Variants in SGCD observed in about 807,000 individuals in gnomAD.
The protein encoded by SGCD is sarcoglycan delta.
Under a neutral mutation model 36.6 loss-of-function variants are expected in SGCD, and 18 were observed. The observed-to-expected ratio is 0.49, with a 90% CI of 0.34 to 0.73. The LOEUF is 0.73. Among genes scored for constraint, SGCD ranks in the 30% least tolerant of loss-of-function variants. The pLI, the probability that SGCD is intolerant of heterozygous loss-of-function variation, is 0.01. For missense variants in SGCD, 387 were observed against 346.7 expected (o/e 1.12, Z -0.92); for synonymous variants, 133 against 130.6 (o/e 1.02, Z -0.12).
intron 7 of SGCD, among the ~76,000 whole-genome samples, chr5:156,740,321 T>C (rs935042343): frequency 1.3e-5 from 2 of 152,234 alleles, no homozygotes; most frequent in Admixed American, 6.5e-5. Context: ...ATTTTTAAAG[T>C]GGTTTTCTGG....
the SGCD span, among the ~76,000 whole-genome samples, chr5:155,812,889 C>T: frequency 6.6e-6 from 1 of 152,100 alleles, no homozygotes; most frequent in Non-Finnish European, 1.5e-5. Flanking sequence ...ATTCAGGGAA[C>T]AAATCAGGCA....
At chr5:156,018,736 G>A (rs979983328) in intron 1 of SGCD, among the ~76,000 whole-genome samples, 44 of 152,286 alleles carry the variant, frequency 2.9e-4, no homozygotes, top group African/African-American at 1.0e-3. Context: ...AGGCTAAAAT[G>A]TGCGTAATTT....
At position 156,151,027 on chromosome 5, in the gene SGCD, T is replaced by G. The variant is rs1324065655; in HGVS notation, c.-44+27008T>G. On this transcript the variant is annotated intron_variant, in intron 3 of 9. Coordinates refer to the SGCD transcript ENST00000517913. ...GTAAAAAATTAAAACATTTCATTAC[T>G]CTGAATTTAGATTAAGAATAGAGAG... 2.4e-4 allele frequency among the ~76,000 whole-genome samples: 37 copies of G among 151,748 alleles called. 1 individual carries two copies. The highest frequency in any genetic ancestry group is 2.4e-3 in the Admixed American group (37 of 15,248).
the SGCD span, among the ~76,000 whole-genome samples, chr5:155,856,276 A>C: frequency 2.6e-5 from 4 of 152,328 alleles, no homozygotes; most frequent in Admixed American, 2.6e-4. Context: ...CAAGAGATAA[A>C]ATACAGTAAT....
chr5:156,431,265 C>T (rs560384986), intron 3 of SGCD, among the ~76,000 whole-genome samples: 1 of 152,286 alleles, frequency 6.6e-6, no homozygotes, highest in South Asian at 2.1e-4. Context: ...GGTTGTGACT[C>T]TGCTTCTCAT....
intron 7 of SGCD, among the ~76,000 whole-genome samples, chr5:156,660,408 C>T (rs1763868648): frequency 6.6e-6 from 1 of 152,308 alleles, no homozygotes. Flanking sequence ...CGTGGAGGCC[C>T]TTTTCTTTGC....
intron 7 of SGCD, among the ~76,000 whole-genome samples, chr5:156,741,664 G>T (rs1756681088): frequency 6.6e-6 from 1 of 152,138 alleles, no homozygotes. Context: ...AACAGAGGCT[G>T]GACACTTTGG....
intron 3 of SGCD, among the ~76,000 whole-genome samples, chr5:156,243,100 G>A (rs961352531): frequency 1.3e-5 from 2 of 152,190 alleles, no homozygotes; most frequent in South Asian, 2.1e-4. Context: ...GGGCAGCCTG[G>A]CATGGGATAT....
At chr5:156,195,947 T>C (rs531593579) in intron 3 of SGCD, among the ~76,000 whole-genome samples, 4 of 152,160 alleles carry the variant, frequency 2.6e-5, no homozygotes, top group Non-Finnish European at 5.9e-5. Context: ...ATGAAACTCA[T>C]GCCACCCGCT....
intron 3 of SGCD, among the ~76,000 whole-genome samples, chr5:156,311,147 A>G (rs370626177): frequency 6.6e-6 from 1 of 152,242 alleles, no homozygotes; most frequent in East Asian, 1.9e-4. Flanking sequence ...TACCAACTAT[A>G]AAATGGTTTT....
intron 4 of SGCD, among the ~76,000 whole-genome samples, chr5:156,558,698 T>G (rs966602093): frequency 2.0e-5 from 3 of 152,118 alleles, no homozygotes; most frequent in Non-Finnish European, 4.4e-5. Flanking sequence ...TAACTGAGAA[T>G]TACTGACCTT....
At chr5:155,831,538 T>C in the SGCD span, among the ~76,000 whole-genome samples, 3 of 152,260 alleles carry the variant, frequency 2.0e-5, no homozygotes, top group Non-Finnish European at 4.4e-5. Context: ...CCTGGACTTT[T>C]GTATGCAATT....
intron 1 of SGCD, among the ~76,000 whole-genome samples, chr5:155,894,479 C>T (rs1756205141): frequency 6.6e-6 from 1 of 152,106 alleles, no homozygotes; most frequent in African/African-American, 2.4e-5. Flanking sequence ...CAGAAGTCCC[C>T]AACTCCCAGT....
chr5:156,538,103 T>TA (rs1268494331), intron 4 of SGCD, among the ~76,000 whole-genome samples: 2 of 119,370 alleles, frequency 1.7e-5, no homozygotes, highest in African/African-American at 5.9e-5. Context: ...ATAATATATT[T>TA]GGAAAAAAAA....
chr5:156,741,832 G>A (rs912054541), intron 7 of SGCD, among the ~76,000 whole-genome samples: 4 of 151,796 alleles, frequency 2.6e-5, no homozygotes, highest in East Asian at 1.9e-4. Flanking sequence ...AAGAGACAGT[G>A]AGACAGTGGA....
intron 3 of SGCD, among the ~76,000 whole-genome samples, chr5:156,165,135 G>A (rs1763182313): frequency 6.6e-6 from 1 of 152,190 alleles, no homozygotes; most frequent in Admixed American, 6.5e-5. Context: ...GATAGCGAGG[G>A]CTGCAGGAGT....
chr5:156,723,820 A>C (rs1194646089), intron 7 of SGCD, among the ~76,000 whole-genome samples: 1 of 151,346 alleles, frequency 6.6e-6, no homozygotes, highest in African/African-American at 2.4e-5. Flanking sequence ...GCTGATGAGC[A>C]GTGAGAGTCC....
rs1377438837 is a variant in SGCD at position 156,569,984 on chromosome 5, AT to A, written c.295-19245del. 2.6e-5 allele frequency among the ~76,000 whole-genome samples: 4 copies of A among 152,326 alleles called. No homozygotes were observed. In the South Asian group the frequency reaches 6.2e-4, roughly 24 times the overall value. On this transcript the variant is annotated intron_variant, in intron 4 of 8. Coordinates refer to ENST00000337851, the MANE Select transcript of SGCD (RefSeq NM_000337.6). ...TTAAGCCTAGCTGTGACAAAAAGCC[AT>A]TGAAGGATTTTTTTCCCCCATGAGA... is the stretch of plus-strand genomic sequence containing the variant.
rs374264971 is a variant in SGCD, at chr5:156,143,625, G to A, written c.-44+19606G>A. Among the ~76,000 whole-genome samples, 17 of 152,354 alleles carry A rather than the reference G, an allele frequency of 1.1e-4. No homozygotes were observed. The South Asian group carries it at 2.9e-3, about 26-fold the overall frequency. On this transcript the variant is annotated intron_variant, in intron 3 of 9. Transcript: ENST00000517913. ...TCCCTTGGACCAGCATGCCCTGGAT[G>A]TGGGACATGGAGTCACAGAAGATTA...
Sources: gnomAD v4.1 joint callset for allele counts (sites outside exome capture counted in the v4.1 genomes callset) on GRCh38, gnomAD v4.1.1 for gene constraint, MANE v1.5 for transcripts, NCBI Gene and HGNC (gene_info 2026-07-23, HGNC 2026-07-21) for gene names.